The following NFIB variants were observed in gnomAD, a reference collection of about 807,000 sequenced individuals.
NFIB encodes the protein nuclear factor 1 B-type.
NFIB carries 11 observed loss-of-function variants against 61.5 expected under a neutral mutation model. The ratio of observed to expected loss-of-function variants is 0.18; its 90% confidence interval spans 0.11 to 0.30. The LOEUF (loss-of-function observed/expected upper bound fraction) is 0.30. Among genes scored for constraint, NFIB ranks in the 10% least tolerant of loss-of-function variants. NFIB has a pLI of 1.00. For synonymous variants in NFIB, 260 were observed against 216.5 expected (o/e 1.20, Z -1.76); for missense variants, 471 against 608.9 (o/e 0.77, Z 2.38).
chr9:14,133,922 G>T (rs918428692), intron 6 of NFIB, among the ~76,000 whole-genome samples: 11 of 129,794 alleles, frequency 8.5e-5, no homozygotes, highest in African/African-American at 4.2e-4. Context: ...TCCTGAAGGA[G>T]GAAGAAAGGA....
chr9:14,507,959 C>G, the NFIB span, among the ~76,000 whole-genome samples: 1 of 141,596 alleles, frequency 7.1e-6, no homozygotes, highest in African/African-American at 2.6e-5. Flanking sequence ...GACACAGACA[C>G]AGACACACAC....
At chr9:14,347,077 G>C (rs1024929293) in intron 1 of NFIB, among the ~76,000 whole-genome samples, 1 of 151,854 alleles carries the variant, frequency 6.6e-6, no homozygotes, top group African/African-American at 2.4e-5. Flanking sequence ...CCGGCGCGAA[G>C]GGTGCGTCTC....
upstream of NFIB, among the ~76,000 whole-genome samples, chr9:14,315,230 G>T (rs879339444): frequency 1.1e-3 from 166 of 151,590 alleles, no homozygotes; most frequent in Non-Finnish European, 2.1e-3. Flanking sequence ...GTTCGTCCCG[G>T]GTCTGCCCAC....
At chr9:14,397,477 C>T (rs1300991734) in intron 1 of NFIB, among the ~76,000 whole-genome samples, 3 of 152,148 alleles carry the variant, frequency 2.0e-5, no homozygotes, top group East Asian at 3.8e-4. Flanking sequence ...TTTAATATGG[C>T]ACTTCTCTTT....
At chr9:14,399,935 C>A (rs902930607), upstream of NFIB, among the ~76,000 whole-genome samples, 3 of 151,974 alleles carry the variant, frequency 2.0e-5, no homozygotes. Context: ...TGTTCAGATT[C>A]TTTTATAACA....
chr9:14,469,113 A>G, the NFIB span, among the ~76,000 whole-genome samples: 2 of 152,128 alleles, frequency 1.3e-5, no homozygotes, highest in African/African-American at 2.4e-5. Flanking sequence ...CTTTGTCTCG[A>G]TCAAGACTAT....
At chr9:14,391,439 A>G (rs947876523) in intron 1 of NFIB, among the ~76,000 whole-genome samples, 23 of 127,382 alleles carry the variant, frequency 1.8e-4, no homozygotes, top group Non-Finnish European at 3.8e-4. Flanking sequence ...CAGAGCTGGT[A>G]CCAGGGAAAG....
chr9:14,501,880 G>T, the NFIB span, among the ~76,000 whole-genome samples: 8 of 152,208 alleles, frequency 5.3e-5, no homozygotes, highest in Non-Finnish European at 2.9e-5. Flanking sequence ...GAATGAGAGG[G>T]AAAAGTAGAT....
chr9:14,379,759 T>G (rs964704790), intron 1 of NFIB, among the ~76,000 whole-genome samples: 1 of 152,172 alleles, frequency 6.6e-6, no homozygotes, highest in Non-Finnish European at 1.5e-5. Flanking sequence ...CTTGGCTCAC[T>G]GCAACCTCCG....
At chr9:14,124,749 G>A (rs7032297) in intron 7 of NFIB, among the ~76,000 whole-genome samples, 7,101 of 152,106 alleles carry the variant, frequency 0.047, 517 homozygotes, top group African/African-American at 0.16. Flanking sequence ...ATTAGCTGTT[G>A]GTTAAAGTAC....
At chr9:14,220,272 T>C (rs1361767675) in intron 2 of NFIB, among the ~76,000 whole-genome samples, 1 of 152,222 alleles carries the variant, frequency 6.6e-6, no homozygotes, top group Non-Finnish European at 1.5e-5. Context: ...CAAAGGCTTA[T>C]ACCACAAAGA....
intron 10 of NFIB, among the ~76,000 whole-genome samples, chr9:14,111,823 C>T (rs998666181): frequency 3.3e-5 from 5 of 151,934 alleles, no homozygotes; most frequent in Non-Finnish European, 7.4e-5. Flanking sequence ...TTTTTTAAAC[C>T]TGGCAAAACA....
At chr9:14,377,943 G>A (rs1412149936) in intron 1 of NFIB, among the ~76,000 whole-genome samples, 1 of 152,152 alleles carries the variant, frequency 6.6e-6, no homozygotes, top group Non-Finnish European at 1.5e-5. Context: ...CATCCTCAAA[G>A]TGGTCCCAGT....
intron 3 of NFIB, among the ~76,000 whole-genome samples, chr9:14,175,312 T>G (rs1016628896): frequency 6.6e-5 from 10 of 151,766 alleles, no homozygotes; most frequent in African/African-American, 2.2e-4. Context: ...CAGCTGAGAC[T>G]ACAGGCGCCC....
the NFIB span, among the ~76,000 whole-genome samples, chr9:14,524,544 T>C: frequency 1.3e-5 from 2 of 152,164 alleles, no homozygotes; most frequent in African/African-American, 4.8e-5. Context: ...CTTGGATCAA[T>C]GAAAAATGTG....
At chr9:14,126,558 G>C (rs191954757) in intron 6 of NFIB, among the ~76,000 whole-genome samples, 1 of 152,306 alleles carries the variant, frequency 6.6e-6, no homozygotes, top group Non-Finnish European at 1.5e-5. Flanking sequence ...CATTCTCAGA[G>C]AGGAAATACT....
At chr9:14,413,072 C>G in the NFIB span, among the ~76,000 whole-genome samples, 1 of 152,084 alleles carries the variant, frequency 6.6e-6, no homozygotes, top group Non-Finnish European at 1.5e-5. Context: ...TCAAAGAACC[C>G]CTGGGTAGCT....
intron 2 of NFIB, among the ~76,000 whole-genome samples, chr9:14,261,275 C>T (rs1366368750): frequency 6.6e-6 from 1 of 152,094 alleles, no homozygotes. Context: ...CGAGATCATA[C>T]CATTGCACTC....
At chr9:14,463,785 C>A in the NFIB span, among the ~76,000 whole-genome samples, 1 of 151,576 alleles carries the variant, frequency 6.6e-6, no homozygotes, top group African/African-American at 2.4e-5. Flanking sequence ...CTCAGCCTCC[C>A]GAGTAGCTGG....
Sources: allele counts gnomAD v4.1 joint callset (sites outside exome capture counted in the v4.1 genomes callset), GRCh38; gene constraint gnomAD v4.1.1; transcripts MANE v1.5; gene names NCBI Gene and HGNC (gene_info 2026-07-23, HGNC 2026-07-21).